Variants in ATAD3B observed in about 807,000 individuals in gnomAD.
ATAD3B encodes the protein ATPase family AAA domain-containing protein 3B.
Under a neutral mutation model 70.2 loss-of-function variants are expected in ATAD3B, and 59 were observed. That is an observed-to-expected ratio of 0.84 (90% CI 0.68 to 1.04). ATAD3B has a LOEUF of 1.04. ATAD3B is among the 50% of genes least tolerant of loss of function. ATAD3B has a pLI of 0.00. For synonymous variants in ATAD3B, 423 were observed against 388.6 expected, an observed-to-expected ratio of 1.09 and a Z score of -1.04; for missense variants, 961 against 913.4, an observed-to-expected ratio of 1.05 and a Z score of -0.67.
chr1:1,495,456 C>T (rs1178501917), intron 15 of ATAD3B, 29 bp from the exon 16 acceptor site: 1 of 1,570,086 alleles, frequency 6.4e-7, no homozygotes, highest in South Asian at 1.2e-5. Context: ...CCCATAGCGG[C>T]CTCCCTCAGC....
At position 1,490,239 on chromosome 1, in the gene ATAD3B, C is replaced by T. The variant is rs1640460645; in HGVS notation, c.1338-18C>T. The T allele has an allele frequency of 1.2e-6, 2 of 1,605,916 alleles. No homozygotes were observed. The highest frequency in any genetic ancestry group is 2.7e-5 in the African/African-American group (2 of 74,924). On this transcript the variant is annotated intron_variant, in intron 13 of 15. Coordinates refer to ENST00000673477, the MANE Select transcript of ATAD3B (RefSeq NM_031921.6). ...AGCTGGCAGCCCCAGCGTTTCCTTC[C>T]CCATCCCTGTCCTACAGATTCATGC...
chr1:1,501,864 G>T (rs1424094275), downstream of ATAD3B, among the ~76,000 whole-genome samples: 31 of 151,210 alleles, frequency 2.1e-4, no homozygotes, highest in African/African-American at 6.4e-4. Context: ...GTTTTTTTTT[G>T]TTTTTGTTTT....
chr1:1,500,691 T>C (rs140589642), downstream of ATAD3B, among the ~76,000 whole-genome samples: 3,394 of 150,556 alleles, frequency 0.023, 105 homozygotes, highest in African/African-American at 0.055. Flanking sequence ...CAGTGGCTCA[T>C]GCCTGTAATC....
At chr1:1,505,205 G>A in the ATAD3B span, among the ~76,000 whole-genome samples, 1 of 152,124 alleles carries the variant, frequency 6.6e-6, no homozygotes, top group African/African-American at 2.4e-5. Context: ...AGGTCACGTG[G>A]GTCACGTGTC....
chr1:1,507,164 G>A, the ATAD3B span, among the ~76,000 whole-genome samples: 6 of 152,284 alleles, frequency 3.9e-5, no homozygotes, highest in East Asian at 9.6e-4. Flanking sequence ...TTTTCAGTTT[G>A]GATGACTTCT....
Position 1,478,397 on chromosome 1 carries a change from G to A in ATAD3B, c.283-247G>A, listed in dbSNP as rs575108489. 7.2e-4 allele frequency: 1,071 copies of A among 1,487,314 alleles called. 15 individuals are homozygous for A. The highest frequency in any genetic ancestry group is 9.0e-4 in the Non-Finnish European group (1,002 of 1,113,096). The allele number at this position is 1,487,314 out of a possible 1,614,324, so 92.1% of individuals were successfully genotyped here. Reference sequence around the variant, plus strand: ...GCCCAGAAACAGCCTTGTGGGGTGGGGTTGGTGTCTGACCTCCCTCCCCGG... The same window carrying A: ...GCCCAGAAACAGCCTTGTGGGGTGGAGTTGGTGTCTGACCTCCCTCCCCGG... On this transcript the variant is annotated intron_variant, in intron 2 of 15. Coordinates refer to ENST00000673477, the MANE Select transcript of ATAD3B (RefSeq NM_031921.6).
chr1:1,479,756 C>T (rs1639803382), intron 4 of ATAD3B, among the ~76,000 whole-genome samples: 1 of 145,846 alleles, frequency 6.9e-6, no homozygotes, highest in Non-Finnish European at 1.5e-5. Context: ...CATGCACACC[C>T]CTCTGCACAC....
chr1:1,478,516 T>A, intron 2 of ATAD3B, 128 bp from the exon 3 acceptor site: 1 of 1,549,826 alleles, frequency 6.5e-7, no homozygotes, highest in Non-Finnish European at 8.7e-7. Flanking sequence ...CTGGAAGCCC[T>A]GAACCTGCTG....
At chr1:1,506,780 CTTTTTTCT>C in the ATAD3B span, among the ~76,000 whole-genome samples, 1 of 140,470 alleles carries the variant, frequency 7.1e-6, no homozygotes, top group South Asian at 2.2e-4. Flanking sequence ...CTAGGATTTT[CTTTTTTCT>C]TTTTTTTTTT....
At position 1,478,644 on chromosome 1, in the gene ATAD3B, G is replaced by T; in HGVS notation, c.283G>T (p.Glu95Ter). 1 of 1,548,172 alleles carries T rather than the reference G, an allele frequency of 6.5e-7. No individual in the cohort carries two copies. Among genetic ancestry groups the T allele is most frequent in the Non-Finnish European group, 8.7e-7 (1 of 1,145,950 alleles). The change falls in exon 3 of 16, where the codon GAG (glutamate) becomes TAG (stop). Residue 95 changes from glutamate to a stop codon, truncating the protein, a stop_gained and splice_region_variant. Coordinates refer to ENST00000673477, the MANE Select transcript of ATAD3B (RefSeq NM_031921.6). LOFTEE classifies it high-confidence loss of function. ...AGCTGGTGAGTGCTGTGCTCTGCAG[G>T]AGTATGAGGCCGCCGTGGAGCAGCT... ...LQLEQQSKLK[E>*]YEAAVEQLKS... is the part of the protein sequence containing the mutation.
chr1:1,505,051 A>G, the ATAD3B span, among the ~76,000 whole-genome samples: 1 of 152,134 alleles, frequency 6.6e-6, no homozygotes, highest in Non-Finnish European at 1.5e-5. Flanking sequence ...CAAGACAGAG[A>G]TAAAAGACAG....
At chr1:1,490,105 G>A (rs1640451592) in intron 13 of ATAD3B, 152 bp from the exon 14 acceptor site, 4 of 1,434,284 alleles carry the variant, frequency 2.8e-6, no homozygotes, top group Admixed American at 2.8e-5. Flanking sequence ...GACCAGGGCT[G>A]TGGCTGCGTT....
At chr1:1,490,725 T>C in intron 15 of ATAD3B, 54 bp downstream of exon 15, 2 of 1,538,054 alleles carry the variant, frequency 1.3e-6, no homozygotes, top group Non-Finnish European at 1.8e-6. Context: ...GCTGTGGAGA[T>C]GCTCAGTTGC....
chr1:1,490,324 G>A lies in ATAD3B; in HGVS notation c.1405G>A (p.Val469Met), dbSNP rs531223290. ...CTGTGCCATCAACAGCCGCATTGAC[G>A]TGATGGTCCACTTCGACCTGCCGCA... ...FDCAINSRID[V>M]MVHFDLPQQE... Residue 469 changes from valine (V) to methionine (M), a missense_variant, in exon 14 of 16, where the codon GTG becomes ATG. Coordinates refer to ENST00000673477, the MANE Select transcript of ATAD3B (RefSeq NM_031921.6). The A allele has an allele frequency of 4.3e-6, 7 of 1,613,282 alleles. No individual in the cohort carries two copies. In the East Asian group the frequency reaches 8.9e-5, roughly 21 times the overall value.
intron 5 of ATAD3B, 137 bp downstream of exon 5, chr1:1,481,073 C>A: frequency 6.8e-7 from 1 of 1,461,944 alleles, no homozygotes. Context: ...TGGGGCTCTG[C>A]GGGGTGGGGC....
downstream of ATAD3B, among the ~76,000 whole-genome samples, chr1:1,499,279 CTT>C (rs752359726): frequency 0.023 from 2,607 of 113,724 alleles, 38 homozygotes; most frequent in Admixed American, 0.036. Flanking sequence ...CCTGGAATAC[CTT>C]TTTTTTTTTT....
chr1:1,495,611 G>T lies in ATAD3B; in HGVS notation c.1741G>T (p.Val581Phe). The T allele has an allele frequency of 8.1e-6, 13 of 1,613,082 alleles. No homozygotes were observed. The highest frequency in any genetic ancestry group is 1.0e-5 in the Non-Finnish European group (12 of 1,179,486). Reference protein sequence around the residue: ...WLKAEGPGRGVEHPLSGVQGE... With the variant: ...WLKAEGPGRGFEHPLSGVQGE... ...GAAGGCGGAGGGGCCTGGGCGCGGG[G>T]TCGAGCACCCCCTATCCGGAGTCCA... Residue 581 changes from valine (V) to phenylalanine (F), a missense_variant, in exon 16 of 16, where the codon GTC becomes TTC. Physicochemically the swap from Val to Phe is conservative, Grantham distance 50. Transcript: ENST00000673477.
At chr1:1,501,411 C>T (rs1330014790), downstream of ATAD3B, among the ~76,000 whole-genome samples, 4 of 152,120 alleles carry the variant, frequency 2.6e-5, no homozygotes, top group South Asian at 2.1e-4. Context: ...CCTGCCACCA[C>T]GCCCAGCTAA....
chr1:1,482,307 A>G lies in ATAD3B; in HGVS notation c.680+4A>G. ...AGACCGTCTTGGAGTCCATCAGGTG[A>G]GCACTGCCCAGGCCCGGGCCGGCCA... On this transcript the variant is annotated splice_donor_region_variant and intron_variant, in intron 6 of 15. Transcript: ENST00000673477. 2.5e-6 allele frequency: 4 copies of G among 1,585,028 alleles called. No individual in the cohort carries two copies. Among genetic ancestry groups the G allele is most frequent in the Non-Finnish European group, 3.4e-6 (4 of 1,172,472 alleles).
Sources: allele counts gnomAD v4.1 joint callset (sites outside exome capture counted in the v4.1 genomes callset), GRCh38; gene constraint gnomAD v4.1.1; transcripts MANE v1.5; gene names NCBI Gene and HGNC (gene_info 2026-07-23, HGNC 2026-07-21).